The following SYAP1 variants were observed in gnomAD, a reference collection of about 807,000 sequenced individuals.
SYAP1 encodes the protein synapse-associated protein 1.
SYAP1 carries 3 observed loss-of-function variants against 29.6 expected under a neutral mutation model. The observed-to-expected ratio is 0.10, with a 90% CI of 0.05 to 0.26. The LOEUF is 0.26. Among genes scored for constraint, SYAP1 ranks in the 10% least tolerant of loss-of-function variants. The pLI is 1.00. For missense variants in SYAP1, 217 were observed against 264.1 expected, an observed-to-expected ratio of 0.82 and a Z score of 1.24; for synonymous variants, 102 against 102.7, an observed-to-expected ratio of 0.99 and a Z score of 0.04.
chrX:16,743,640 A>AG, intron 4 of SYAP1, 61 bp from the exon 5 acceptor site: 1 of 1,114,003 alleles, frequency 9.0e-7, no homozygotes, highest in Non-Finnish European at 1.2e-6. Context: ...AAAAAAAAAA[A>AG]TTGTTATCTA....
At chrX:16,735,145 C>CT (rs1253188570) in intron 1 of SYAP1, 82 bp from the exon 2 acceptor site, 7 of 607,711 alleles carry the variant, frequency 1.2e-5, no homozygotes, top group Non-Finnish European at 1.8e-5. Context: ...GGAACATGCC[C>CT]TAATGCTTTA....
Position 16,763,518 on chromosome X carries a change from A to C in SYAP1, c.*3159A>C, listed in dbSNP as rs60844910. The C allele has an allele frequency of 9.1e-6, 1 of 109,862 alleles. No individual in the cohort carries two copies. Among genetic ancestry groups the C allele is most frequent in the Non-Finnish European group, 1.9e-5 (1 of 52,687 alleles). 9.1% of individuals were successfully genotyped at this position (109,862 alleles called of 1,213,427 possible). Reference sequence around the variant, plus strand: ...CAGGCAACCGCCACCATGCCCAGCTAATTTTTTTGTATTTTTAGCAGAGAT... The same window carrying C: ...CAGGCAACCGCCACCATGCCCAGCTCATTTTTTTGTATTTTTAGCAGAGAT... On this transcript the variant is annotated 3_prime_UTR_variant, in exon 9 of 9. Coordinates refer to ENST00000380155, the MANE Select transcript of SYAP1 (RefSeq NM_032796.4).
At chrX:16,738,658 C>T (rs1926380127) in intron 3 of SYAP1, among the ~76,000 whole-genome samples, 1 of 111,294 alleles carries the variant, frequency 9.0e-6, no homozygotes, top group African/African-American at 3.3e-5. Context: ...GGCAACAGAG[C>T]AAGACTCCAT....
intron 4 of SYAP1, among the ~76,000 whole-genome samples, chrX:16,743,270 G>A (rs1344082009): frequency 2.7e-5 from 3 of 109,313 alleles, no homozygotes; most frequent in African/African-American, 1.0e-4. Flanking sequence ...AGAGGTTGCA[G>A]TGAGCTGAGA....
rs201447151 is a variant in SYAP1, at chrX:16,752,351, A to G, written c.576-2594A>G. Among the ~76,000 whole-genome samples, 24 of 97,564 alleles carry G rather than the reference A, an allele frequency of 2.5e-4. No individual in the cohort carries two copies. The East Asian group carries it at 6.6e-3, about 27-fold the overall frequency. 84.7% of individuals were successfully genotyped at this position (97,564 alleles called of 115,157 possible). A position where few individuals can be genotyped will look rare whatever the true frequency, so the allele number is the denominator to read the frequency against. On this transcript the variant is annotated intron_variant, in intron 5 of 8. Transcript: ENST00000380155. Reference sequence around the variant, plus strand: ...TTTATTTAATTTCTCTGAAGCGAGCACAGTTATCAATGGATTATTATTATT... The same window carrying G: ...TTTATTTAATTTCTCTGAAGCGAGCGCAGTTATCAATGGATTATTATTATT...
At chrX:16,753,244 CAAAAA>C (rs770811287) in intron 5 of SYAP1, among the ~76,000 whole-genome samples, 1 of 41,397 alleles carries the variant, frequency 2.4e-5, no homozygotes, top group African/African-American at 9.5e-5. Flanking sequence ...GACTCCGTCT[CAAAAA>C]AAAAAAAAAA....
intron 1 of SYAP1, among the ~76,000 whole-genome samples, chrX:16,727,077 C>G (rs1291173257): frequency 9.0e-6 from 1 of 110,800 alleles, no homozygotes; most frequent in Non-Finnish European, 1.9e-5. Flanking sequence ...TGAAAAACAT[C>G]AGGCATAGAA....
intron 5 of SYAP1, among the ~76,000 whole-genome samples, chrX:16,751,311 G>A (rs1457464315): frequency 1.9e-5 from 2 of 106,856 alleles, no homozygotes; most frequent in African/African-American, 6.8e-5. Flanking sequence ...AATTAGCCAG[G>A]CACGGTAGCA....
At chrX:16,760,118 T>C (rs1264189686) in intron 8 of SYAP1, 114 bp from the exon 9 acceptor site, 3 of 696,497 alleles carry the variant, frequency 4.3e-6, no homozygotes, top group South Asian at 8.2e-5. Context: ...AAGCCTGAGA[T>C]ACTAAAAATT....
At position 16,720,818 on chromosome X, in the gene SYAP1, G is replaced by T. The variant is rs1484410685; in HGVS notation, c.175+919G>T. On this transcript the variant is annotated intron_variant, in intron 1 of 8. Transcript: ENST00000380155. ...TCATGAGGTCAGCAGTTCGAGACCAGCCTGGCCAACACGATGTAACCCCGT... is the reference window on the plus strand; with the variant it reads ...TCATGAGGTCAGCAGTTCGAGACCATCCTGGCCAACACGATGTAACCCCGT... 3.6e-5 allele frequency among the ~76,000 whole-genome samples: 4 copies of T among 110,991 alleles called. No individual in the cohort carries two copies. The East Asian group carries it at 1.1e-3, about 32-fold the overall frequency.
chrX:16,734,378 T>G (rs1926275244), intron 1 of SYAP1, among the ~76,000 whole-genome samples: 1 of 104,111 alleles, frequency 9.6e-6, no homozygotes, highest in African/African-American at 3.5e-5. Flanking sequence ...AGAGTGAGAC[T>G]TCATCTCAAA....
At chrX:16,729,153 A>C (rs1360947489) in intron 1 of SYAP1, among the ~76,000 whole-genome samples, 1 of 111,670 alleles carries the variant, frequency 9.0e-6, no homozygotes, top group Non-Finnish European at 1.9e-5. Context: ...GATATATCAG[A>C]ATTATAGGAG....
At position 16,764,426 on chromosome X, in the gene SYAP1, A is replaced by T. The variant is rs1402173241; in HGVS notation, c.*4067A>T. The T allele has an allele frequency of 1.0e-5, 1 of 99,804 alleles. No homozygotes were observed. The highest frequency in any genetic ancestry group is 2.0e-5 in the Non-Finnish European group (1 of 49,080). 8.2% of individuals were successfully genotyped at this position (99,804 alleles called of 1,213,427 possible). A position where few individuals can be genotyped will look rare whatever the true frequency, so the allele number is the denominator to read the frequency against. The stretch of plus-strand genomic sequence containing the variant: ...CCCTGGCTGGAGTGCAGTGGCCGCA[A>T]CCTCGGCTCACTGCAACCTCCGCCT... On this transcript the variant is annotated 3_prime_UTR_variant, in exon 9 of 9. Transcript: ENST00000380155.
At chrX:16,746,918 AT>A (rs55888852) in intron 5 of SYAP1, among the ~76,000 whole-genome samples, 49,757 of 110,339 alleles carry the variant, frequency 0.45, 10,026 homozygotes, top group African/African-American at 0.79. Flanking sequence ...CATCTAATCT[AT>A]TTTTTTACTA....
intron 1 of SYAP1, among the ~76,000 whole-genome samples, chrX:16,720,333 C>CT (rs1396080213): frequency 1.8e-5 from 2 of 112,205 alleles, no homozygotes; most frequent in Non-Finnish European, 3.8e-5. Flanking sequence ...CTGAAGTAAA[C>CT]TGACAGTTAC....
intron 5 of SYAP1, among the ~76,000 whole-genome samples, chrX:16,744,676 C>G (rs952987521): frequency 2.0e-5 from 2 of 102,346 alleles, no homozygotes; most frequent in African/African-American, 7.2e-5. Context: ...TACAAAGAAA[C>G]CAAGAATTAG....
At chrX:16,737,202 A>G (rs755276174) in intron 3 of SYAP1, among the ~76,000 whole-genome samples, 18 of 111,380 alleles carry the variant, frequency 1.6e-4, no homozygotes, top group African/African-American at 5.9e-4. Context: ...ACATAGTGAG[A>G]CCCTATCTCT....
At chrX:16,741,915 G>T (rs1400879573) in intron 4 of SYAP1, 126 bp downstream of exon 4, 1 of 481,882 alleles carries the variant, frequency 2.1e-6, no homozygotes, top group African/African-American at 2.4e-5. Context: ...TGTTAGGAAT[G>T]TACACATTAA....
intron 4 of SYAP1, among the ~76,000 whole-genome samples, chrX:16,742,157 T>G (rs1279423939): frequency 4.4e-5 from 4 of 90,615 alleles, no homozygotes; most frequent in Non-Finnish European, 8.5e-5. Context: ...TTTTTTTTTT[T>G]TTTTTTTTTT....
Sources: gnomAD v4.1 joint callset for allele counts (sites outside exome capture counted in the v4.1 genomes callset) on GRCh38, gnomAD v4.1.1 for gene constraint, MANE v1.5 for transcripts, NCBI Gene and HGNC (gene_info 2026-07-23, HGNC 2026-07-21) for gene names.